Variants in ABCB10 observed in about 807,000 individuals in gnomAD.
The protein encoded by ABCB10 is ATP binding cassette subfamily B member 10, also known as ATP-binding cassette sub-family B member 10, mitochondrial.
A neutral mutation model predicts 65.4 loss-of-function variants in ABCB10; 54 were observed. The observed-to-expected ratio is 0.83, with a 90% CI of 0.66 to 1.04. The LOEUF is 1.04. Among genes scored for constraint, ABCB10 ranks in the 50% least tolerant of loss-of-function variants. The probability of loss-of-function intolerance (pLI) is 0.00; values close to 1 mark genes in which losing one functional copy is unlikely to be tolerated. For missense variants in ABCB10, 846 were observed against 976.6 expected (o/e 0.87, Z 1.78); for synonymous variants, 418 against 406.5 (o/e 1.03, Z -0.34).
chr1:229,520,894 G>A lies in ABCB10; in HGVS notation c.1950+698C>T, dbSNP rs1434386292. Reference sequence around the variant, plus strand: ...AGTAGATTCGTGGCATCCTGGGGCCGGAAACAAGGAACGACTGACTGCAAG... The same window carrying A: ...AGTAGATTCGTGGCATCCTGGGGCCAGAAACAAGGAACGACTGACTGCAAG... On this transcript the variant is annotated intron_variant, in intron 11 of 12. Transcript: ENST00000344517. 5.9e-5 allele frequency among the ~76,000 whole-genome samples: 9 copies of A among 152,180 alleles called. No individual in the cohort carries two copies. In the South Asian group the frequency reaches 8.3e-4, roughly 14 times the overall value.
Position 229,518,237 on chromosome 1 carries a change from G to A in ABCB10, c.2159C>T (p.Ser720Leu). Reference protein sequence around the residue: ...TEYGKHEELLSKPNGIYRKLM... With the variant: ...TEYGKHEELLLKPNGIYRKLM... ...TTTTCTGTATATCCCATTTGGTTTT[G>A]AAAGCAGCTCTTCATGTTTTCCATA... Residue 720 changes from serine (S) to leucine (L), a missense_variant, in exon 13 of 13, where the codon TCA becomes TTA. Ser to Leu is a moderately radical substitution (Grantham distance 145). Around this residue, in one of 2 missense-constraint regions of ABCB10, gnomAD observed 632 missense variants for 803.2 expected, o/e 0.79. Coordinates refer to ENST00000344517, the MANE Select transcript of ABCB10 (RefSeq NM_012089.3). The A allele has an allele frequency of 1.2e-6, 2 of 1,613,994 alleles. No homozygotes were observed. The highest frequency in any genetic ancestry group is 1.7e-6 in the Non-Finnish European group (2 of 1,180,006).
Position 229,549,401 on chromosome 1 carries a change from A to G in ABCB10, c.551T>C (p.Ile184Thr), listed in dbSNP as rs1441558308. ...CAGGAAGAAAGGGGCAGACATGGAG[A>G]TAACACTGGACATCGTGAGAAATCC... ...AVGFLTMSSV[I>T]SMSAPFFLGK... Residue 184 changes from isoleucine to threonine, a missense_variant, in exon 2 of 13, where the codon ATC becomes ACC. Ile to Thr is a moderately conservative substitution (Grantham distance 89). Coordinates refer to ENST00000344517, the MANE Select transcript of ABCB10 (RefSeq NM_012089.3). 1.2e-6 allele frequency: 2 copies of G among 1,614,096 alleles called. No homozygotes were observed. The highest frequency in any genetic ancestry group is 1.1e-5 in the South Asian group (1 of 91,074).
rs1172611313 is a variant in ABCB10, at chr1:229,534,983, T to TGAGCTGA, written c.1340-3259_1340-3253dup. 21 of 128,212 alleles carry TGAGCTGA rather than the reference T, an allele frequency of 1.6e-4. No homozygotes were observed. The Admixed American group carries it at 2.1e-3, about 13-fold the overall frequency. The allele number at this position is 128,212 out of a possible 1,614,324, so 7.9% of individuals were successfully genotyped here. Reference sequence around the variant, plus strand: ...TGAGCCCGGGAGGTGGAGGTTGCAGTGAGCTGAGATGATGCCACTGCACTC... The same window carrying TGAGCTGA: ...TGAGCCCGGGAGGTGGAGGTTGCAGTGAGCTGAGAGCTGAGATGATGCCACTGCACTC... On this transcript the variant is annotated intron_variant, in intron 6 of 12. Transcript: ENST00000344517.
At chr1:229,540,952 G>C (rs747426708) in intron 4 of ABCB10, among the ~76,000 whole-genome samples, 200 bp from the exon 5 acceptor site, 18 of 152,150 alleles carry the variant, frequency 1.2e-4, no homozygotes, top group Non-Finnish European at 2.4e-4. Context: ...TCAAAAAAGA[G>C]TGACAAAGCA....
intron 1 of ABCB10, among the ~76,000 whole-genome samples, chr1:229,556,097 G>A (rs916119958): frequency 6.6e-6 from 1 of 152,048 alleles, no homozygotes; most frequent in African/African-American, 2.4e-5. Flanking sequence ...AAAGAAGGCC[G>A]GGTGCAGTGG....
At chr1:229,520,862 G>A (rs1662297511) in intron 11 of ABCB10, among the ~76,000 whole-genome samples, 1 of 152,226 alleles carries the variant, frequency 6.6e-6, no homozygotes, top group Non-Finnish European at 1.5e-5. Flanking sequence ...AATCTAGACA[G>A]ACAGAAAGTA....
chr1:229,558,076 G>C (rs941347356), intron 1 of ABCB10, 60 bp downstream of exon 1: 1 of 1,286,012 alleles, frequency 7.8e-7, no homozygotes, highest in African/African-American at 1.6e-5. Flanking sequence ...CGGCGCCCCG[G>C]GACCCCGCGT....
chr1:229,518,097 A>T lies in ABCB10; in HGVS notation c.*82T>A. 1.0e-6 allele frequency: 1 copy of T among 979,742 alleles called. No individual in the cohort carries two copies. Among genetic ancestry groups the T allele is most frequent in the Non-Finnish European group, 1.6e-6 (1 of 638,818 alleles). The allele number at this position is 979,742 out of a possible 1,614,324, so 60.7% of individuals were successfully genotyped here. The stretch of plus-strand genomic sequence containing the variant: ...TTTCAAATAACTTGATATATGGTTT[A>T]TGTATTTCATAGTCTCTGAGTTTTT... On this transcript the variant is annotated 3_prime_UTR_variant, in exon 13 of 13. Transcript: ENST00000344517.
At chr1:229,527,550 T>A in intron 8 of ABCB10, among the ~76,000 whole-genome samples, 1 of 152,238 alleles carries the variant, frequency 6.6e-6, no homozygotes, top group East Asian at 1.9e-4. Flanking sequence ...CGAGTCCATC[T>A]GTCCAGCTTG....
chr1:229,524,699 T>C (rs934013797), intron 10 of ABCB10, among the ~76,000 whole-genome samples: 2 of 152,200 alleles, frequency 1.3e-5, no homozygotes, highest in Non-Finnish European at 2.9e-5. Context: ...CGTGAGTCTA[T>C]TCAGCAAATT....
At chr1:229,521,474 A>ACTCCAAG in intron 11 of ABCB10, 118 bp downstream of exon 11, 1 of 670,916 alleles carries the variant, frequency 1.5e-6, no homozygotes, top group Non-Finnish European at 2.1e-6. Flanking sequence ...CCACTCCAAG[A>ACTCCAAG]AAAAAAAAAA....
chr1:229,526,160 TAAAA>T, intron 9 of ABCB10, 44 bp from the exon 10 acceptor site: 1 of 1,560,860 alleles, frequency 6.4e-7, no homozygotes. Context: ...CAAACAGACT[TAAAA>T]CATGTCTAAT....
At chr1:229,545,300 T>A (rs999240512) in intron 3 of ABCB10, among the ~76,000 whole-genome samples, 1 of 152,224 alleles carries the variant, frequency 6.6e-6, no homozygotes, top group East Asian at 1.9e-4. Context: ...TCATGAGATT[T>A]CAAAGCTGTT....
intron 4 of ABCB10, among the ~76,000 whole-genome samples, chr1:229,541,755 CA>C (rs1662851080): frequency 4.0e-5 from 6 of 151,802 alleles, no homozygotes; most frequent in African/African-American, 1.5e-4. Flanking sequence ...GCCTGGGCAA[CA>C]CAGTAAGATC....
intron 6 of ABCB10, among the ~76,000 whole-genome samples, chr1:229,534,871 CAAAAAAAAAAAAA>C (rs145726594): frequency 5.4e-5 from 2 of 37,298 alleles, no homozygotes; most frequent in Admixed American, 3.9e-4. Context: ...GACTCCATCT[CAAAAAAAAAAAAA>C]AAAAAAAAGG....
At chr1:229,530,714 T>C (rs1362569879) in intron 7 of ABCB10, among the ~76,000 whole-genome samples, 1 of 152,236 alleles carries the variant, frequency 6.6e-6, no homozygotes, top group East Asian at 1.9e-4. Context: ...GACAACAACC[T>C]GCTTAAGCTA....
chr1:229,532,598 G>A (rs1662610727), intron 6 of ABCB10, among the ~76,000 whole-genome samples: 2 of 149,778 alleles, frequency 1.3e-5, no homozygotes, highest in Non-Finnish European at 1.5e-5. Context: ...AAAAAAAAAA[G>A]GGCCAGGCAA....
chr1:229,538,573 C>T (rs1302271318), intron 6 of ABCB10, among the ~76,000 whole-genome samples: 1 of 152,110 alleles, frequency 6.6e-6, no homozygotes, highest in Non-Finnish European at 1.5e-5. Flanking sequence ...AGCCAGCACC[C>T]CAAAACATCT....
intron 6 of ABCB10, among the ~76,000 whole-genome samples, chr1:229,538,561 C>A (rs569661003): frequency 5.3e-5 from 8 of 152,288 alleles, no homozygotes; most frequent in Non-Finnish European, 8.8e-5. Context: ...GTTTCCCAAA[C>A]CAGCCAGCAC....
Sources: gnomAD v4.1 joint callset for allele counts (sites outside exome capture counted in the v4.1 genomes callset) on GRCh38, gnomAD v4.1.1 for gene constraint, gnomAD v4.1.1 regional missense constraint, MANE v1.5 for transcripts, NCBI Gene and HGNC (gene_info 2026-07-23, HGNC 2026-07-21) for gene names.